Variants in DLGAP2 observed in about 807,000 individuals in gnomAD.
DLGAP2 encodes DLG associated protein 2.
In DLGAP2, 26 loss-of-function variants were observed where a neutral mutation model predicts 100.3. That is an observed-to-expected ratio of 0.26 (90% confidence interval 0.19 to 0.36). The LOEUF is 0.36. Among genes scored for constraint, DLGAP2 ranks in the 10% least tolerant of loss-of-function variants. The probability of loss-of-function intolerance (pLI) is 1.00; values close to 1 mark genes in which losing one functional copy is unlikely to be tolerated. For missense variants in DLGAP2, 1,858 were observed against 1,453.2 expected, an observed-to-expected ratio of 1.28 and a Z score of -4.53; for synonymous variants, 886 against 630.1, an observed-to-expected ratio of 1.41 and a Z score of -6.08.
At chr8:1,199,729 T>C (rs1343719622) in intron 2 of DLGAP2, among the ~76,000 whole-genome samples, 1 of 152,174 alleles carries the variant, frequency 6.6e-6, no homozygotes, top group Non-Finnish European at 1.5e-5. Flanking sequence ...GGGCTGAATG[T>C]TTGTATCTAG....
intron 2 of DLGAP2, among the ~76,000 whole-genome samples, chr8:1,028,162 C>G (rs542673386): frequency 2.1e-4 from 29 of 140,176 alleles, no homozygotes; most frequent in African/African-American, 7.9e-4. Flanking sequence ...GGTGGGGTAC[C>G]AGGCGCCCGT....
chr8:1,520,309 G>A (rs761393061), intron 4 of DLGAP2, among the ~76,000 whole-genome samples: 5 of 152,174 alleles, frequency 3.3e-5, no homozygotes, highest in Non-Finnish European at 5.9e-5. Context: ...CGATGCAATC[G>A]GGGAACCCAG....
At chr8:985,234 C>T (rs754250643) in intron 2 of DLGAP2, among the ~76,000 whole-genome samples, 2 of 152,178 alleles carry the variant, frequency 1.3e-5, no homozygotes, top group African/African-American at 2.4e-5. Flanking sequence ...GTCCGAAGGC[C>T]TGGCTCAGCT....
chr8:753,413 G>A (rs1167785333), intron 1 of DLGAP2: 1 of 152,238 alleles, frequency 6.6e-6, no homozygotes, highest in African/African-American at 2.4e-5. Flanking sequence ...GGAAGAATAA[G>A]GGCCTTGAAA....
chr8:1,628,848 T>C (rs1218815170), intron 7 of DLGAP2, among the ~76,000 whole-genome samples: 2 of 152,212 alleles, frequency 1.3e-5, no homozygotes, highest in Admixed American at 6.5e-5. Flanking sequence ...GTAGGGATTA[T>C]TCTGGGCTTC....
chr8:1,154,008 A>G (rs1481752517), intron 2 of DLGAP2, among the ~76,000 whole-genome samples: 1 of 152,132 alleles, frequency 6.6e-6, no homozygotes, highest in African/African-American at 2.4e-5. Context: ...TTCCTTTCAA[A>G]AATAACTTTA....
At position 1,699,168 on chromosome 8, in the gene DLGAP2, A is replaced by G. The variant is rs112773552; in HGVS notation, c.2949+1869A>G. 2.6e-3 allele frequency among the ~76,000 whole-genome samples: 403 copies of G among 152,368 alleles called. 6 individuals carry two copies. Among genetic ancestry groups the G allele is most frequent in the African/African-American group, 9.0e-3 (374 of 41,594 alleles). ...TCTCCATTCTTTGGTCATTGAGAGC[A>G]AACGTGAGCCCATCTACCCAAGCTG... On this transcript the variant is annotated intron_variant, in intron 14 of 14. Coordinates refer to ENST00000637795, the MANE Select transcript of DLGAP2 (RefSeq NM_001346810.2).
intron 2 of DLGAP2, among the ~76,000 whole-genome samples, chr8:1,224,972 A>T (rs1798385527): frequency 6.6e-6 from 1 of 152,230 alleles, no homozygotes; most frequent in Non-Finnish European, 1.5e-5. Context: ...GGACAAACTG[A>T]AATCCTCATA....
intron 6 of DLGAP2, among the ~76,000 whole-genome samples, chr8:1,585,859 CA>C (rs1796102077): frequency 6.6e-6 from 1 of 151,976 alleles, no homozygotes; most frequent in Non-Finnish European, 1.5e-5. Context: ...AGTGGAGTGT[CA>C]CTCTGTCTCT....
chr8:1,505,603 T>C (rs142799909), intron 4 of DLGAP2, among the ~76,000 whole-genome samples: 43 of 152,306 alleles, frequency 2.8e-4, no homozygotes, highest in African/African-American at 9.4e-4. Context: ...CTGTGAAATA[T>C]AGGAGGATAA....
chr8:785,449 T>C (rs1389488406), intron 1 of DLGAP2, among the ~76,000 whole-genome samples: 95 of 120,886 alleles, frequency 7.9e-4, no homozygotes, highest in South Asian at 1.4e-3. Flanking sequence ...CCCTCAGGTC[T>C]CTCTGAGACC....
intron 2 of DLGAP2, among the ~76,000 whole-genome samples, chr8:1,133,902 A>G (rs919982755): frequency 1.1e-4 from 17 of 151,904 alleles, no homozygotes; most frequent in African/African-American, 4.1e-4. Context: ...ACATAGGTAA[A>G]TGTGTGTCAT....
rs1446475498 is a variant in DLGAP2, at chr8:1,206,379, G to A, written c.74-52472G>A. 3.1e-3 allele frequency among the ~76,000 whole-genome samples: 465 copies of A among 150,060 alleles called. 2 individuals carry two copies. The highest frequency in any genetic ancestry group is 6.8e-3 in the Middle Eastern group (2 of 292). Reference sequence around the variant, plus strand: ...ATCCGTGGACTGGGGTAGACTGTGAGCGGTTAATCTCCAGCCATCCGTGGA... The same window carrying A: ...ATCCGTGGACTGGGGTAGACTGTGAACGGTTAATCTCCAGCCATCCGTGGA... On this transcript the variant is annotated intron_variant, in intron 2 of 14. Coordinates refer to ENST00000637795, the MANE Select transcript of DLGAP2 (RefSeq NM_001346810.2).
At chr8:744,863 C>CT (rs1471007158) in intron 1 of DLGAP2, among the ~76,000 whole-genome samples, 1 of 152,236 alleles carries the variant, frequency 6.6e-6, no homozygotes, top group Non-Finnish European at 1.5e-5. Flanking sequence ...GCCCCGATGC[C>CT]TGAGTGAGGT....
chr8:905,531 G>A (rs1563089022), intron 1 of DLGAP2, among the ~76,000 whole-genome samples: 1 of 152,166 alleles, frequency 6.6e-6, no homozygotes, highest in African/African-American at 2.4e-5. Context: ...CATGCGTGAG[G>A]TCTGATTGCC....
At chr8:822,731 C>T (rs753821357) in intron 1 of DLGAP2, among the ~76,000 whole-genome samples, 2 of 152,138 alleles carry the variant, frequency 1.3e-5, no homozygotes, top group African/African-American at 4.8e-5. Flanking sequence ...TGTGGGGAAG[C>T]AGGAGTGCAT....
At chr8:956,659 G>A (rs1002162514) in intron 2 of DLGAP2, among the ~76,000 whole-genome samples, 1 of 152,302 alleles carries the variant, frequency 6.6e-6, no homozygotes, top group African/African-American at 2.4e-5. Flanking sequence ...TCCATTTACA[G>A]ATCTAATACA....
intron 2 of DLGAP2, among the ~76,000 whole-genome samples, chr8:1,006,256 A>G (rs961236706): frequency 2.0e-5 from 3 of 152,156 alleles, no homozygotes; most frequent in African/African-American, 7.2e-5. Context: ...CAACTGTGCT[A>G]TGCTTCTGGG....
At chr8:1,637,479 C>G (rs147937814) in intron 8 of DLGAP2, among the ~76,000 whole-genome samples, 2 of 151,906 alleles carry the variant, frequency 1.3e-5, no homozygotes, top group African/African-American at 2.4e-5. Context: ...CTATGCACTG[C>G]GAGGACCAGC....
Sources: gnomAD v4.1 joint callset for allele counts (sites outside exome capture counted in the v4.1 genomes callset) on GRCh38, gnomAD v4.1.1 for gene constraint, MANE v1.5 for transcripts, NCBI Gene and HGNC (gene_info 2026-07-23, HGNC 2026-07-21) for gene names.